Variants in FRMD4A observed in about 807,000 individuals in gnomAD.
FRMD4A encodes FERM domain-containing protein 4A.
A neutral mutation model predicts 129.1 loss-of-function variants in FRMD4A; 29 were observed. The ratio of observed to expected loss-of-function variants is 0.22; its 90% CI spans 0.17 to 0.31. The LOEUF is 0.31. FRMD4A is among the 10% of genes least tolerant of loss of function. FRMD4A has a pLI of 1.00. For missense variants in FRMD4A, 1,272 were observed against 1,375.8 expected, an observed-to-expected ratio of 0.92 and a Z score of 1.19; for synonymous variants, 634 against 571.6, an observed-to-expected ratio of 1.11 and a Z score of -1.56.
intron 6 of FRMD4A, among the ~76,000 whole-genome samples, chr10:13,771,877 C>T (rs1261270866): frequency 1.3e-5 from 2 of 151,976 alleles, no homozygotes; most frequent in Non-Finnish European, 2.9e-5. Flanking sequence ...CCCTGGAGTT[C>T]AAGACCAGCC....
intron 6 of FRMD4A, among the ~76,000 whole-genome samples, chr10:13,779,381 C>T (rs189458123): frequency 1.3e-5 from 2 of 152,100 alleles, no homozygotes; most frequent in Admixed American, 6.5e-5. Context: ...GAGAAAATTC[C>T]TTACTGAGAT....
intron 2 of FRMD4A, among the ~76,000 whole-genome samples, chr10:14,224,104 G>A (rs931578516): frequency 6.6e-6 from 1 of 152,152 alleles, no homozygotes; most frequent in Non-Finnish European, 1.5e-5. Context: ...GGGCTGCTTT[G>A]CCCCATCTGA....
rs74121706 is a variant in FRMD4A at position 13,848,498 on chromosome 10, A to G, written c.111+10349T>C. Among the ~76,000 whole-genome samples, 1,237 of 152,110 alleles carry G rather than the reference A, an allele frequency of 8.1e-3. 16 individuals carry two copies. The highest frequency in any genetic ancestry group is 0.028 in the African/African-American group (1,169 of 41,486). On this transcript the variant is annotated intron_variant, in intron 3 of 24. Transcript: ENST00000357447. ...GAAGGGGGAGGGGGGCAGGGGCGCA[A>G]AGAAGGGGTGTTGCCAGGCAACTGG...
chr10:13,810,709 C>T (rs2093429913), intron 4 of FRMD4A, 105 bp downstream of exon 4: 3 of 562,046 alleles, frequency 5.3e-6, no homozygotes, highest in Non-Finnish European at 9.6e-6. Flanking sequence ...ACCATGGGAC[C>T]CAAGTGGTCT....
chr10:13,653,478 G>C (rs557221348), intron 23 of FRMD4A: 7 of 152,406 alleles, frequency 4.6e-5, no homozygotes, highest in East Asian at 1.9e-4. Flanking sequence ...CTGGGCAACA[G>C]AGTGAGACTC....
chr10:14,328,375 G>A (rs879070830), intron 2 of FRMD4A, among the ~76,000 whole-genome samples: 2 of 120,524 alleles, frequency 1.7e-5, no homozygotes, highest in Non-Finnish European at 3.4e-5. Context: ...TGGGTGGGGG[G>A]GGGGGGTGTA....
intron 21 of FRMD4A, 39 bp downstream of exon 21, chr10:13,659,282 AAG>A: frequency 6.3e-7 from 1 of 1,588,676 alleles, no homozygotes; most frequent in Non-Finnish European, 8.6e-7. Flanking sequence ...CAATTTTAAA[AAG>A]GAAGGCTTGG....
chr10:13,778,932 T>C (rs11258599), intron 6 of FRMD4A, among the ~76,000 whole-genome samples: 107,007 of 151,974 alleles, frequency 0.7, 38,214 homozygotes, highest in East Asian at 0.95. Flanking sequence ...ACATTCTGCA[T>C]GTGTATCCCA....
intron 2 of FRMD4A, among the ~76,000 whole-genome samples, chr10:13,906,011 G>A (rs2094878746): frequency 1.3e-5 from 2 of 152,344 alleles, no homozygotes; most frequent in African/African-American, 4.8e-5. Context: ...GAGCTCTGCA[G>A]ACACCTGGAA....
rs372636511 is a variant in FRMD4A, at chr10:13,701,622, T to TAC, written c.837-146_837-145dup. The TAC allele has an allele frequency of 4.1e-4, 275 of 665,566 alleles. No homozygotes were observed. In the African/African-American group the frequency reaches 4.4e-3, roughly 11 times the overall value. The allele number at this position is 665,566 out of a possible 1,614,324, so 41.2% of individuals were successfully genotyped here. A position where few individuals can be genotyped will look rare whatever the true frequency, so the allele number is the denominator to read the frequency against. On this transcript the variant is annotated intron_variant, in intron 13 of 24. Transcript: ENST00000357447. ...ATGAGCTCTCACATACACCTAGGCG[T>TAC]ACACACACACACATGCGCACACAGC...
At chr10:13,816,308 A>AT (rs1205520513) in intron 3 of FRMD4A, among the ~76,000 whole-genome samples, 4 of 152,008 alleles carry the variant, frequency 2.6e-5, no homozygotes, top group East Asian at 1.9e-4. Flanking sequence ...AGCCACACAC[A>AT]TTTTTTCTGC....
intron 2 of FRMD4A, chr10:14,083,674 G>C (rs1836067358): frequency 6.6e-6 from 1 of 152,164 alleles, no homozygotes; most frequent in Non-Finnish European, 1.5e-5. Context: ...TTATAGCTGT[G>C]GTTAGTGTCC....
intron 2 of FRMD4A, among the ~76,000 whole-genome samples, chr10:14,009,202 C>T (rs189980049): frequency 4.6e-5 from 7 of 152,296 alleles, no homozygotes; most frequent in East Asian, 3.9e-4. Context: ...TAATATTTTC[C>T]CCTACCTTCC....
At chr10:13,728,761 G>A (rs915110430) in intron 12 of FRMD4A, among the ~76,000 whole-genome samples, 1 of 151,462 alleles carries the variant, frequency 6.6e-6, no homozygotes, top group Non-Finnish European at 1.5e-5. Flanking sequence ...TAGTAGAGAC[G>A]GGGTTTTATC....
chr10:13,867,872 TAATA>T (rs908042642), intron 2 of FRMD4A, among the ~76,000 whole-genome samples: 1 of 140,456 alleles, frequency 7.1e-6, no homozygotes, highest in Non-Finnish European at 1.5e-5. Flanking sequence ...ATGTAATATA[TAATA>T]AATAATATAT....
intron 5 of FRMD4A, among the ~76,000 whole-genome samples, chr10:13,791,923 A>G (rs1469901725): frequency 6.6e-6 from 1 of 152,240 alleles, no homozygotes; most frequent in Non-Finnish European, 1.5e-5. Flanking sequence ...GGGTCTCCAC[A>G]GTGTCAGATA....
intron 2 of FRMD4A, among the ~76,000 whole-genome samples, chr10:14,292,644 C>CA (rs1167188559): frequency 6.6e-6 from 1 of 151,918 alleles, no homozygotes; most frequent in Non-Finnish European, 1.5e-5. Flanking sequence ...CTAAAAAATA[C>CA]AAAAAATTAG....
intron 2 of FRMD4A, among the ~76,000 whole-genome samples, chr10:14,256,548 T>C (rs1368867194): frequency 6.6e-6 from 1 of 152,240 alleles, no homozygotes; most frequent in Non-Finnish European, 1.5e-5. Context: ...GTAGTGTTGC[T>C]ACAAATCTCA....
At chr10:13,762,524 A>C in intron 7 of FRMD4A, 100 bp downstream of exon 7, 1 of 716,232 alleles carries the variant, frequency 1.4e-6, no homozygotes, top group South Asian at 1.7e-5. Context: ...AAGACGACAA[A>C]TAGTGAGTAG....
Sources: allele counts gnomAD v4.1 joint callset (sites outside exome capture counted in the v4.1 genomes callset), GRCh38; gene constraint gnomAD v4.1.1; transcripts MANE v1.5; gene names NCBI Gene and HGNC (gene_info 2026-07-23, HGNC 2026-07-21).